Variants in SUSD4 observed in about 807,000 individuals in gnomAD.
The protein encoded by SUSD4 is sushi domain containing 4, also known as sushi domain-containing protein 4.
A neutral mutation model predicts 50.5 loss-of-function variants in SUSD4; 41 were observed. That is an observed-to-expected ratio of 0.81 (90% CI 0.63 to 1.05). The LOEUF is 1.05. Among genes scored for constraint, SUSD4 ranks in the 50% least tolerant of loss-of-function variants. The pLI, the probability that SUSD4 is intolerant of heterozygous loss-of-function variation, is 0.00. For synonymous variants in SUSD4, 257 were observed against 257.3 expected, an observed-to-expected ratio of 1.00 and a Z score of 0.01; for missense variants, 580 against 634.7, an observed-to-expected ratio of 0.91 and a Z score of 0.93.
At position 223,292,645 on chromosome 1, in the gene SUSD4, T is replaced by G; in HGVS notation, c.155A>C (p.Asp52Ala). 6.2e-7 allele frequency: 1 copy of G among 1,613,872 alleles called. No homozygotes were observed. The highest frequency in any genetic ancestry group is 8.5e-7 in the Non-Finnish European group (1 of 1,179,914). ...GGGGTCAGCACACACTTGAAGGTCATCGAACCCTACATCAACAAAGAGAGG... is the reference window on the plus strand; with the variant it reads ...GGGGTCAGCACACACTTGAAGGTCAGCGAACCCTACATCAACAAAGAGAGG... ...FGPAQLTGGF[D>A]DLQVCADPGI... The change falls in exon 3 of 9, where the codon GAT becomes GCT. Residue 52 changes from aspartate (D) to alanine (A), a missense_variant. Asp to Ala is a moderately radical substitution (Grantham distance 126). Transcript: ENST00000366878.
chr1:223,272,077 C>T (rs187501211), intron 3 of SUSD4, among the ~76,000 whole-genome samples: 37 of 152,174 alleles, frequency 2.4e-4, no homozygotes, highest in African/African-American at 8.2e-4. Flanking sequence ...AAATATAAAA[C>T]TTAGCCAGGC....
At chr1:223,241,748 A>C (rs950505242) in intron 5 of SUSD4, among the ~76,000 whole-genome samples, 1 of 152,236 alleles carries the variant, frequency 6.6e-6, no homozygotes, top group African/African-American at 2.4e-5. Context: ...ACGGGGCCTC[A>C]GCCAATCTCT....
intron 5 of SUSD4, among the ~76,000 whole-genome samples, chr1:223,260,727 C>T (rs74145790): frequency 0.061 from 9,344 of 152,264 alleles, 442 homozygotes; most frequent in East Asian, 0.14. Context: ...GACCCATATA[C>T]GCTCCAGAAT....
At chr1:223,287,004 A>C (rs928021234) in intron 3 of SUSD4, among the ~76,000 whole-genome samples, 1 of 152,192 alleles carries the variant, frequency 6.6e-6, no homozygotes, top group Non-Finnish European at 1.5e-5. Flanking sequence ...CTGTGGCTAC[A>C]TTGGTGGGTG....
intron 3 of SUSD4, among the ~76,000 whole-genome samples, chr1:223,282,771 T>A (rs1043191651): frequency 5.3e-5 from 8 of 152,182 alleles, no homozygotes; most frequent in Admixed American, 5.2e-4. Context: ...AAAAAGAGCC[T>A]GCATTGCCAA....
intron 5 of SUSD4, among the ~76,000 whole-genome samples, chr1:223,251,756 G>A (rs1269142330): frequency 6.6e-6 from 1 of 152,016 alleles, no homozygotes; most frequent in Non-Finnish European, 1.5e-5. Context: ...ATATTCCTTT[G>A]GGTACATACC....
Position 223,231,292 on chromosome 1 carries a change from G to A in SUSD4, c.725-1904C>T, listed in dbSNP as rs960446355. 2.0e-5 allele frequency among the ~76,000 whole-genome samples: 3 copies of A among 152,136 alleles called. No homozygotes were observed. Among genetic ancestry groups the A allele is most frequent in the African/African-American group, 4.8e-5 (2 of 41,420 alleles). On this transcript the variant is annotated intron_variant, in intron 5 of 8. Transcript: ENST00000366878. The surrounding 1 kb of genome is among the most constrained non-coding windows in gnomAD (Gnocchi z 4.2). ...AGGGGGTCTGGGAAACAGGGTCTGC[G>A]GTGGACAGCCTGTCTAGATCTGGTG...
chr1:223,228,999 C>G (rs1293605302), intron 6 of SUSD4, among the ~76,000 whole-genome samples, 198 bp downstream of exon 6: 1 of 152,010 alleles, frequency 6.6e-6, no homozygotes, highest in Admixed American at 6.5e-5. Context: ...ATACTCTTGA[C>G]TGTCTGAACA....
At chr1:223,281,379 GAC>G (rs1663715040) in intron 3 of SUSD4, among the ~76,000 whole-genome samples, 1 of 151,942 alleles carries the variant, frequency 6.6e-6, no homozygotes, top group Admixed American at 6.6e-5. Flanking sequence ...GAATCAAATA[GAC>G]ACAATAAAAA....
intron 2 of SUSD4, among the ~76,000 whole-genome samples, chr1:223,324,281 A>C (rs1179923920): frequency 6.6e-6 from 1 of 151,096 alleles, no homozygotes; most frequent in African/African-American, 2.4e-5. Flanking sequence ...CAAAACACAG[A>C]ATCAAAGACA....
chr1:223,316,679 T>C (rs1160507508), intron 2 of SUSD4, among the ~76,000 whole-genome samples: 1 of 152,144 alleles, frequency 6.6e-6, no homozygotes, highest in Non-Finnish European at 1.5e-5. Context: ...AAAGGGAGGC[T>C]GAGCTGGGGC....
chr1:223,273,969 G>A (rs1663090434), intron 3 of SUSD4, among the ~76,000 whole-genome samples: 1 of 152,120 alleles, frequency 6.6e-6, no homozygotes, highest in Non-Finnish European at 1.5e-5. Flanking sequence ...CTGAGTTCCT[G>A]AGTCCTAGTG....
At chr1:223,295,583 C>T (rs927604771) in intron 2 of SUSD4, among the ~76,000 whole-genome samples, 3 of 151,804 alleles carry the variant, frequency 2.0e-5, no homozygotes, top group Non-Finnish European at 2.9e-5. Context: ...GGGTGCAGGT[C>T]GGAAGGTATG....
rs1457630485 is a variant in SUSD4, at chr1:223,340,001, C to T, written c.148+23277G>A. 3.3e-5 allele frequency among the ~76,000 whole-genome samples: 5 copies of T among 152,206 alleles called. No homozygotes were observed. In the East Asian group the frequency reaches 5.8e-4, roughly 18 times the overall value. ...GACACTCAACTCCTTATCTCCTTAT[C>T]TCCTTAAAGCCGTCTCCTTTACACA... is the stretch of plus-strand genomic sequence containing the variant. On this transcript the variant is annotated intron_variant, in intron 2 of 8. Coordinates refer to ENST00000366878, the MANE Select transcript of SUSD4 (RefSeq NM_017982.4).
intron 2 of SUSD4, among the ~76,000 whole-genome samples, chr1:223,349,290 T>C (rs186611850): frequency 6.6e-6 from 1 of 152,336 alleles, no homozygotes; most frequent in African/African-American, 2.4e-5. Flanking sequence ...CCAGTTACTA[T>C]GGATATTAAC....
At chr1:223,284,119 A>G (rs61838191) in intron 3 of SUSD4, among the ~76,000 whole-genome samples, 41,832 of 150,646 alleles carry the variant, frequency 0.28, 7,310 homozygotes, top group Non-Finnish European at 0.4. Context: ...ATTAGGAGAT[A>G]TACCCGATGT....
chr1:223,275,057 T>C (rs1663164568), intron 3 of SUSD4, among the ~76,000 whole-genome samples: 1 of 152,190 alleles, frequency 6.6e-6, no homozygotes, highest in Admixed American at 6.5e-5. Flanking sequence ...ACAATAGAAT[T>C]AATCCAGAAA....
chr1:223,343,902 C>G (rs374080982), intron 2 of SUSD4, among the ~76,000 whole-genome samples: 1 of 152,158 alleles, frequency 6.6e-6, no homozygotes, highest in East Asian at 1.9e-4. Flanking sequence ...TTTCCACCAC[C>G]AACAGAGTAC....
At position 223,227,576 on chromosome 1, in the gene SUSD4, C is replaced by A. The variant is rs772339339; in HGVS notation, c.1061+18G>T. Reference sequence around the variant, plus strand: ...TGAGTCAGACCTTGAGCCACAGCTGCCAAGACATGACACTGACCTGGGGGG... The same window carrying A: ...TGAGTCAGACCTTGAGCCACAGCTGACAAGACATGACACTGACCTGGGGGG... On this transcript the variant is annotated intron_variant, in intron 7 of 8. Coordinates refer to ENST00000366878, the MANE Select transcript of SUSD4 (RefSeq NM_017982.4). The surrounding 1 kb of genome is among the most constrained non-coding windows in gnomAD (Gnocchi z 4.5). 6.2e-7 allele frequency: 1 copy of A among 1,610,666 alleles called. No individual in the cohort carries two copies. Among genetic ancestry groups the A allele is most frequent in the Non-Finnish European group, 8.5e-7 (1 of 1,177,296 alleles).
Sources: gnomAD v4.1 joint callset for allele counts (sites outside exome capture counted in the v4.1 genomes callset) on GRCh38, gnomAD v4.1.1 for gene constraint, Gnocchi (gnomAD v3.1) non-coding constraint, MANE v1.5 for transcripts, NCBI Gene and HGNC (gene_info 2026-07-23, HGNC 2026-07-21) for gene names.